Variants in SLC1A2 observed in about 807,000 individuals in gnomAD.
SLC1A2 encodes excitatory amino acid transporter 2.
Under a neutral mutation model 48.8 loss-of-function variants are expected in SLC1A2, and 15 were observed. The ratio of observed to expected loss-of-function variants is 0.31; its 90% CI spans 0.21 to 0.47. The LOEUF (loss-of-function observed/expected upper bound fraction) is 0.47. SLC1A2 is among the 20% of genes least tolerant of loss of function. SLC1A2 has a pLI of 0.99. For missense variants in SLC1A2, 502 were observed against 730.5 expected (o/e 0.69, Z 3.61); for synonymous variants, 279 against 272.6 (o/e 1.02, Z -0.23).
chr11:35,254,511 T>C lies in SLC1A2; in HGVS notation c.*6383A>G, dbSNP rs1254193539. On this transcript the variant is annotated 3_prime_UTR_variant, in exon 11 of 11. Coordinates refer to ENST00000278379, the MANE Select transcript of SLC1A2 (RefSeq NM_004171.4). The stretch of plus-strand genomic sequence containing the variant: ...GTGCTGGACCAACTTCCTTGGCTAG[T>C]GTGTGTATTTGCCCCCTAGCAAAGG... 1.1e-5 allele frequency: 3 copies of C among 275,944 alleles called. No individual in the cohort carries two copies. The highest frequency in any genetic ancestry group is 2.1e-5 in the Non-Finnish European group (3 of 140,250). 17.1% of individuals were successfully genotyped at this position (275,944 alleles called of 1,614,324 possible). A position where few individuals can be genotyped will look rare whatever the true frequency, so the allele number is the denominator to read the frequency against.
intron 4 of SLC1A2, among the ~76,000 whole-genome samples, chr11:35,308,309 A>G (rs537409613): frequency 6.6e-6 from 1 of 152,302 alleles, no homozygotes; most frequent in African/African-American, 2.4e-5. Context: ...CAAATAGCAA[A>G]GGCCAGTGAT....
chr11:35,322,863 C>T, intron 1 of SLC1A2: 1 of 650,886 alleles, frequency 1.5e-6, no homozygotes, highest in Non-Finnish European at 2.8e-6. Context: ...AGAATGCCAC[C>T]CCTGCTTTAA....
At chr11:35,348,112 G>T (rs182087469) in intron 1 of SLC1A2, among the ~76,000 whole-genome samples, 228 of 152,300 alleles carry the variant, frequency 1.5e-3, no homozygotes, top group African/African-American at 5.3e-3. Flanking sequence ...TCCCCTCATT[G>T]CTCTGCAGGA....
rs1950448913 is a variant in SLC1A2, at chr11:35,264,547, A to AC, written c.1653+979_1653+980insG. On this transcript the variant is annotated intron_variant, in intron 10 of 10. Coordinates refer to ENST00000278379, the MANE Select transcript of SLC1A2 (RefSeq NM_004171.4). ...ACTTTGACAATGTCAAATTAGTTAC[A>AC]ATGAAGGCTAGACAGAGCCCATCAA... is the stretch of plus-strand genomic sequence containing the variant. Among the ~76,000 whole-genome samples the AC allele has an allele frequency of 7.2e-5, 11 of 152,348 alleles. No homozygotes were observed. In the South Asian group the frequency reaches 2.3e-3, roughly 32 times the overall value.
chr11:35,272,992 G>A (rs964111324), intron 9 of SLC1A2, among the ~76,000 whole-genome samples: 3 of 152,252 alleles, frequency 2.0e-5, no homozygotes, highest in South Asian at 2.1e-4. Context: ...ATGTGAAATC[G>A]TCTGGAACTC....
chr11:35,265,295 A>G (rs943374222), intron 10 of SLC1A2: 2 of 557,560 alleles, frequency 3.6e-6, no homozygotes, highest in Non-Finnish European at 3.1e-6. Flanking sequence ...TTCACATCAC[A>G]TGGACGAAAT....
chr11:35,294,632 A>G (rs969222667), intron 6 of SLC1A2, among the ~76,000 whole-genome samples: 18 of 152,346 alleles, frequency 1.2e-4, no homozygotes, highest in African/African-American at 4.1e-4. Flanking sequence ...AAATACAAAT[A>G]TAAGCTGTTT....
chr11:35,380,109 A>G (rs1398072316), intron 1 of SLC1A2, among the ~76,000 whole-genome samples: 1 of 152,184 alleles, frequency 6.6e-6, no homozygotes, highest in East Asian at 1.9e-4. Context: ...TTATCATTTA[A>G]TCCCTCAGCC....
intron 1 of SLC1A2, among the ~76,000 whole-genome samples, chr11:35,342,515 G>GGT (rs1555010558): frequency 2.0e-5 from 2 of 99,152 alleles, no homozygotes; most frequent in African/African-American, 7.0e-5. Context: ...TCAAATGAGT[G>GGT]TTTTTTTTGT....
chr11:35,339,088 T>C (rs1852742867), intron 1 of SLC1A2, among the ~76,000 whole-genome samples: 1 of 152,234 alleles, frequency 6.6e-6, no homozygotes, highest in African/African-American at 2.4e-5. Context: ...AGTAGAGTAC[T>C]GGCTTCTCAT....
At chr11:35,377,656 AATC>A (rs1271567879) in intron 1 of SLC1A2, among the ~76,000 whole-genome samples, 3 of 152,202 alleles carry the variant, frequency 2.0e-5, no homozygotes, top group East Asian at 3.8e-4. Flanking sequence ...GATGAAAAAA[AATC>A]ATCAAGTAGA....
At chr11:35,414,521 T>C (rs991794445) in intron 1 of SLC1A2, among the ~76,000 whole-genome samples, 1 of 152,012 alleles carries the variant, frequency 6.6e-6, no homozygotes, top group Non-Finnish European at 1.5e-5. Flanking sequence ...ACTTGGAGAG[T>C]TGCGGGGTGA....
chr11:35,311,937 T>TG (rs1287197909), intron 4 of SLC1A2, among the ~76,000 whole-genome samples: 1 of 4,978 alleles, frequency 2.0e-4, no homozygotes, highest in African/African-American at 8.9e-4. Flanking sequence ...GGGGGGGGGG[T>TG]GGGGGAGAAA....
At chr11:35,320,668 C>T (rs555952567) in intron 1 of SLC1A2, among the ~76,000 whole-genome samples, 3 of 152,216 alleles carry the variant, frequency 2.0e-5, no homozygotes, top group Non-Finnish European at 2.9e-5. Flanking sequence ...TCTAAAAGGG[C>T]CCCTTGCTTG....
At chr11:35,402,729 G>A (rs144375910) in intron 1 of SLC1A2, among the ~76,000 whole-genome samples, 1,867 of 152,314 alleles carry the variant, frequency 0.012, 41 homozygotes, top group African/African-American at 0.043. Flanking sequence ...GATAGCCATA[G>A]CCCAGGTGGA....
intron 1 of SLC1A2, among the ~76,000 whole-genome samples, chr11:35,406,973 G>A (rs1855314913): frequency 6.6e-6 from 1 of 152,042 alleles, no homozygotes; most frequent in African/African-American, 2.4e-5. Flanking sequence ...GATTAAAACT[G>A]GGTCCAATAA....
At chr11:35,356,979 C>T (rs199498791) in intron 1 of SLC1A2, among the ~76,000 whole-genome samples, 7 of 152,080 alleles carry the variant, frequency 4.6e-5, no homozygotes, top group South Asian at 2.1e-4. Context: ...TGGTGGCTCA[C>T]GCCTGTAATC....
chr11:35,307,435 G>T (rs967453573), intron 4 of SLC1A2, among the ~76,000 whole-genome samples: 1 of 152,162 alleles, frequency 6.6e-6, no homozygotes, highest in Admixed American at 6.5e-5. Flanking sequence ...GACATCCATG[G>T]CAGTGGTCCT....
Position 35,348,882 on chromosome 11 carries a change from G to T in SLC1A2, c.18-31366C>A, listed in dbSNP as rs529360937. On this transcript the variant is annotated intron_variant, in intron 1 of 10. Coordinates refer to ENST00000278379, the MANE Select transcript of SLC1A2 (RefSeq NM_004171.4). ...CACTCCAGCCTGGGCGACAGACCGAGACCTGGTCTCAAAAAAAAAAAAAAA... is the reference window on the plus strand; with the variant it reads ...CACTCCAGCCTGGGCGACAGACCGATACCTGGTCTCAAAAAAAAAAAAAAA... Among the ~76,000 whole-genome samples, 6 of 110,744 alleles carry T rather than the reference G, an allele frequency of 5.4e-5. No individual in the cohort carries two copies. The South Asian group carries it at 2.1e-3, about 39-fold the overall frequency. 72.7% of individuals were successfully genotyped at this position (110,744 alleles called of 152,430 possible).
Sources: allele counts gnomAD v4.1 joint callset (sites outside exome capture counted in the v4.1 genomes callset), GRCh38; gene constraint gnomAD v4.1.1; transcripts MANE v1.5; gene names NCBI Gene and HGNC (gene_info 2026-07-23, HGNC 2026-07-21).